Variants in CLIP1 observed in about 807,000 individuals in gnomAD.
CLIP1 encodes the protein CAP-Gly domain containing linker protein 1.
Under a neutral mutation model 161.6 loss-of-function variants are expected in CLIP1, and 66 were observed. The ratio of observed to expected loss-of-function variants is 0.41; its 90% CI spans 0.33 to 0.50. The LOEUF is 0.50. Among genes scored for constraint, CLIP1 ranks in the 20% least tolerant of loss-of-function variants. The pLI, the probability that CLIP1 is intolerant of heterozygous loss-of-function variation, is 0.27. For missense variants in CLIP1, 1,376 were observed against 1,702.0 expected, an observed-to-expected ratio of 0.81 and a Z score of 3.37; for synonymous variants, 598 against 626.2, an observed-to-expected ratio of 0.96 and a Z score of 0.67.
rs1370242804 is a variant in CLIP1 at position 122,279,262 on chromosome 12, G to C, written c.3648-117C>G. 4.4e-6 allele frequency: 3 copies of C among 687,316 alleles called. No homozygotes were observed. In the African/African-American group the frequency reaches 5.6e-5, roughly 13 times the overall value. The allele number at this position is 687,316 out of a possible 1,614,324, so 42.6% of individuals were successfully genotyped here. ...TTAATGTAAAAAAAAAAATATAACA[G>C]GGAAGTTTTATAGGGAGTTAAGGCC... On this transcript the variant is annotated intron_variant, in intron 21 of 25. Transcript: ENST00000620786. This position sits in a 1 kb window ranked among gnomAD's most constrained non-coding sequence, Gnocchi z 4.5.
At chr12:122,363,529 C>A (rs1429898465) in intron 4 of CLIP1, among the ~76,000 whole-genome samples, 1 of 151,634 alleles carries the variant, frequency 6.6e-6, no homozygotes, top group South Asian at 2.1e-4. Context: ...GTTATCCTTA[C>A]GATGGAAGAG....
intron 20 of CLIP1, among the ~76,000 whole-genome samples, chr12:122,292,952 G>C (rs1296309453): frequency 7.1e-6 from 1 of 139,932 alleles, no homozygotes; most frequent in African/African-American, 2.9e-5. Context: ...GCAGTGGGCC[G>C]AGATAGCACC....
At chr12:122,360,351 A>G (rs1953711252) in intron 5 of CLIP1, among the ~76,000 whole-genome samples, 1 of 150,676 alleles carries the variant, frequency 6.6e-6, no homozygotes, top group East Asian at 2.0e-4. Flanking sequence ...GGGCAAGAGG[A>G]TCGCTTGAGC....
intron 4 of CLIP1, among the ~76,000 whole-genome samples, chr12:122,363,573 TG>T (rs1246178500): frequency 5.9e-5 from 9 of 151,862 alleles, no homozygotes; most frequent in African/African-American, 1.7e-4. Context: ...TGCCGCAGGA[TG>T]GAATTCTCAT....
intron 1 of CLIP1, among the ~76,000 whole-genome samples, chr12:122,390,172 G>GATATATATATATATATAT (rs71082979): frequency 9.3e-4 from 87 of 93,510 alleles, no homozygotes; most frequent in Non-Finnish European, 1.2e-3. Context: ...CACAGTCTCA[G>GATATATATATATATATAT]ATATATATAT....
intron 23 of CLIP1, 24 bp from the exon 24 acceptor site, chr12:122,278,227 A>AAC (rs1174955312): frequency 1.3e-6 from 2 of 1,573,560 alleles, no homozygotes; most frequent in Admixed American, 1.8e-5. Flanking sequence ...AAAAAAAAAA[A>AAC]AAAACAAGTG....
In CLIP1 at chr12:122,393,912, CAAAAAAAAAA is replaced by C. The variant is rs71082981; in HGVS notation, c.-106-13364_-106-13355del. Among the ~76,000 whole-genome samples, 4 of 63,170 alleles carry C rather than the reference CAAAAAAAAAA, an allele frequency of 6.3e-5. 1 individual carries two copies. The allele number at this position is 63,170 out of a possible 152,430, so 41.4% of individuals were successfully genotyped here. A position where few individuals can be genotyped will look rare whatever the true frequency, so the allele number is the denominator to read the frequency against. On this transcript the variant is annotated intron_variant, in intron 1 of 25. Coordinates refer to ENST00000620786, the MANE Select transcript of CLIP1 (RefSeq NM_001247997.2). ...GGGTGACAGAGTGAGATTCTGTCTC[CAAAAAAAAAA>C]AAAAAAAAGATTCTAGGTTTTATGT...
chr12:122,389,780 A>G (rs1955509928), intron 1 of CLIP1, among the ~76,000 whole-genome samples: 1 of 145,976 alleles, frequency 6.9e-6, no homozygotes, highest in African/African-American at 2.5e-5. Flanking sequence ...AAAAAAAAAA[A>G]AAAGAATTTA....
chr12:122,365,866 C>T (rs1016756534), intron 3 of CLIP1, among the ~76,000 whole-genome samples: 32 of 151,826 alleles, frequency 2.1e-4, no homozygotes, highest in Admixed American at 2.6e-4. Context: ...AAAAATTAGC[C>T]GGGCATAGTG....
chr12:122,336,827 A>C, intron 11 of CLIP1, 79 bp from the exon 12 acceptor site: 1 of 604,830 alleles, frequency 1.7e-6, no homozygotes, highest in Non-Finnish European at 2.7e-6. Context: ...AAAATAAACA[A>C]ATGTAAAAAA....
At chr12:122,331,751 T>C (rs1363789278) in intron 15 of CLIP1, among the ~76,000 whole-genome samples, 1 of 152,106 alleles carries the variant, frequency 6.6e-6, no homozygotes, top group African/African-American at 2.4e-5. Context: ...TTCCAGCACT[T>C]TGGGCGGCCA....
intron 24 of CLIP1, chr12:122,277,424 A>G (rs1955475715): frequency 6.7e-6 from 1 of 149,892 alleles, no homozygotes; most frequent in East Asian, 2.0e-4. Context: ...TCAAGCAATC[A>G]TCCCACCTTG....
At chr12:122,385,864 A>G (rs1170006838) in intron 1 of CLIP1, among the ~76,000 whole-genome samples, 1 of 152,224 alleles carries the variant, frequency 6.6e-6, no homozygotes, top group Non-Finnish European at 1.5e-5. Context: ...TTCAGAGGCC[A>G]TCCAAGTTTT....
chr12:122,403,339 A>C (rs1191693802), intron 1 of CLIP1, among the ~76,000 whole-genome samples: 2 of 152,262 alleles, frequency 1.3e-5, no homozygotes, highest in South Asian at 4.1e-4. Context: ...AGCTCAGCAC[A>C]AAGAGTTTGA....
rs2136792626 is a variant in CLIP1 at position 122,377,904 on chromosome 12, A to G, written c.142T>C (p.Ser48Pro). The G allele has an allele frequency of 2.5e-6, 4 of 1,613,922 alleles. No homozygotes were observed. Among genetic ancestry groups the G allele is most frequent in the Non-Finnish European group, 3.4e-6 (4 of 1,180,000 alleles). ...SSEKASSTPSSETQEEFVDDF... is the reference protein window; with the variant it reads ...SSEKASSTPSPETQEEFVDDF... ...TCCACAAATTCCTCCTGAGTCTCAG[A>G]TGATGGAGTGCTTGATGCTTTTTCA... The change falls in exon 3 of 26, where the codon TCT becomes CCT. Residue 48 changes from serine (S) to proline (P), a missense_variant. Ser to Pro is a moderately conservative substitution (Grantham distance 74). This residue lies in a region of CLIP1 where 66 missense variants were observed against 67.8 expected (regional missense o/e 0.97). Coordinates refer to ENST00000620786, the MANE Select transcript of CLIP1 (RefSeq NM_001247997.2).
chr12:122,405,104 T>C (rs993434536), intron 1 of CLIP1, among the ~76,000 whole-genome samples: 1 of 152,194 alleles, frequency 6.6e-6, no homozygotes, highest in Non-Finnish European at 1.5e-5. Context: ...ACTTGTTTTA[T>C]TGAATATTAA....
In CLIP1 at chr12:122,278,480, G is replaced by A. The variant is rs1955521669; in HGVS notation, c.3917-277C>T. The A allele has an allele frequency of 7.4e-6, 4 of 541,476 alleles. No homozygotes were observed. In the South Asian group the frequency reaches 1.1e-4, roughly 15 times the overall value. The allele number at this position is 541,476 out of a possible 1,614,324, so 33.5% of individuals were successfully genotyped here. On this transcript the variant is annotated intron_variant, in intron 23 of 25. Coordinates refer to ENST00000620786, the MANE Select transcript of CLIP1 (RefSeq NM_001247997.2). ...GTCACGTCCATCTGAATGTACAGAGGCAATCCACCCTTCTTCACCAAAGGG... is the reference window on the plus strand; with the variant it reads ...GTCACGTCCATCTGAATGTACAGAGACAATCCACCCTTCTTCACCAAAGGG...
intron 24 of CLIP1, chr12:122,276,584 T>C: frequency 1.1e-6 from 1 of 923,148 alleles, no homozygotes; most frequent in South Asian, 1.7e-5. Context: ...GTTTGTACAG[T>C]GTTGAATCGT....
chr12:122,359,694 G>A (rs1414515356), intron 5 of CLIP1, among the ~76,000 whole-genome samples: 3 of 152,182 alleles, frequency 2.0e-5, no homozygotes, highest in Non-Finnish European at 4.4e-5. Context: ...AGCCTAGATG[G>A]CTGGCAGAGG....
Sources: gnomAD v4.1 joint callset for allele counts (sites outside exome capture counted in the v4.1 genomes callset) on GRCh38, gnomAD v4.1.1 for gene constraint, gnomAD v4.1.1 regional missense constraint, Gnocchi (gnomAD v3.1) non-coding constraint, MANE v1.5 for transcripts, NCBI Gene and HGNC (gene_info 2026-07-23, HGNC 2026-07-21) for gene names.